COL14A1: variants seen among roughly 807,000 people sequenced by gnomAD.
The protein encoded by COL14A1 is collagen alpha-1(XIV) chain.
COL14A1 carries 136 observed loss-of-function variants against 230.3 expected under a neutral mutation model. The ratio of observed to expected loss-of-function variants is 0.59; its 90% CI spans 0.51 to 0.68. COL14A1 has a LOEUF of 0.68. Ranked by LOEUF, COL14A1 falls within the 30% of genes least tolerant of loss-of-function variation. COL14A1 has a pLI of 0.00. For missense variants in COL14A1, 1,976 were observed against 2,215.8 expected (o/e 0.89, Z 2.17); for synonymous variants, 792 against 784.1 (o/e 1.01, Z -0.17).
rs1819613212 is a variant in COL14A1 at position 120,270,060 on chromosome 8, G to T, written c.3099G>T (p.Leu1033=). The change falls in exon 26 of 48, where the codon CTG becomes CTT. Residue 1033 remains leucine (L), a synonymous_variant. Transcript: ENST00000297848. ...TATGTAAGGCGGCCAAGGCTGACCT[G>T]GTATTTATGGTGGATGGATCCTGGA... ...KEVCKAAKAD[L]VFMVDGSWSI... 6.2e-7 allele frequency: 1 copy of T among 1,611,170 alleles called. No individual in the cohort carries two copies. Among genetic ancestry groups the T allele is most frequent in the Non-Finnish European group, 8.5e-7 (1 of 1,178,226 alleles).
At chr8:120,219,115 A>G (rs1817851726) in intron 14 of COL14A1, among the ~76,000 whole-genome samples, 1 of 151,370 alleles carries the variant, frequency 6.6e-6, no homozygotes, top group Admixed American at 6.6e-5. Flanking sequence ...TTGCCTGGGG[A>G]ACTTTTGTTT....
chr8:120,277,025 C>T (rs1316400709), intron 26 of COL14A1, among the ~76,000 whole-genome samples: 2 of 151,930 alleles, frequency 1.3e-5, no homozygotes, highest in Non-Finnish European at 2.9e-5. Context: ...AAGATGCTAT[C>T]TTTACTTATT....
At position 120,372,620 on chromosome 8, in the gene COL14A1, T is replaced by C. The variant is rs1182826821; in HGVS notation, c.*1389T>C. Among the ~76,000 whole-genome samples the C allele has an allele frequency of 6.6e-6, 1 of 152,194 alleles. No homozygotes were observed. Among genetic ancestry groups the C allele is most frequent in the Non-Finnish European group, 1.5e-5 (1 of 68,026 alleles). ...GATCATTTACAACTAGAAGCTGGAT[T>C]CTTTCTGGATCAGGAAAAGGCTAAC... On this transcript the variant is annotated 3_prime_UTR_variant, in exon 48 of 48. Coordinates refer to ENST00000297848, the MANE Select transcript of COL14A1 (RefSeq NM_021110.4).
In COL14A1 at chr8:120,294,407, A is replaced by G. The variant is rs1820461097; in HGVS notation, c.4237-3104A>G. Among the ~76,000 whole-genome samples, 3 of 148,724 alleles carry G rather than the reference A, an allele frequency of 2.0e-5. 1 individual carries two copies. The South Asian group carries it at 6.4e-4, about 32-fold the overall frequency. On this transcript the variant is annotated intron_variant, in intron 34 of 47. Transcript: ENST00000297848. Reference sequence around the variant, plus strand: ...CCCTTGAAAGAGATTATGAAAAGTGAAAGTGGGAGGTTTTGTGTCTCTTCC... The same window carrying G: ...CCCTTGAAAGAGATTATGAAAAGTGGAAGTGGGAGGTTTTGTGTCTCTTCC...
intron 24 of COL14A1, among the ~76,000 whole-genome samples, chr8:120,266,255 C>A (rs910828046): frequency 2.6e-5 from 4 of 152,014 alleles, no homozygotes; most frequent in African/African-American, 9.7e-5. Context: ...ATGTGGACTT[C>A]TCATCCCACA....
intron 5 of COL14A1, among the ~76,000 whole-genome samples, chr8:120,184,374 C>T (rs1816579621): frequency 6.6e-6 from 1 of 151,890 alleles, no homozygotes; most frequent in African/African-American, 2.4e-5. Context: ...TGTGCCTCAG[C>T]TTCCTGAGTA....
chr8:120,252,411 A>C (rs138351781), intron 22 of COL14A1, among the ~76,000 whole-genome samples: 1 of 152,246 alleles, frequency 6.6e-6, no homozygotes, highest in Non-Finnish European at 1.5e-5. Context: ...ATTTTAAAAT[A>C]CACATTAAAG....
intron 24 of COL14A1, among the ~76,000 whole-genome samples, chr8:120,265,478 A>T (rs1819475448): frequency 1.3e-5 from 2 of 152,174 alleles, no homozygotes; most frequent in South Asian, 4.2e-4. Context: ...AATAACAGTG[A>T]TATATATCCA....
chr8:120,196,261 T>C (rs1296671964), intron 5 of COL14A1, among the ~76,000 whole-genome samples: 2 of 152,256 alleles, frequency 1.3e-5, no homozygotes, highest in Non-Finnish European at 2.9e-5. Flanking sequence ...CAAAAGCCCT[T>C]CCTACTTTAG....
chr8:120,353,475 T>G (rs1421128596), intron 45 of COL14A1, among the ~76,000 whole-genome samples: 7 of 132,674 alleles, frequency 5.3e-5, no homozygotes, highest in Admixed American at 3.8e-4. Flanking sequence ...GGGAGAAAAT[T>G]TTCGCAACCT....
At chr8:120,317,048 G>T (rs953356867) in intron 40 of COL14A1, among the ~76,000 whole-genome samples, 1 of 152,118 alleles carries the variant, frequency 6.6e-6, no homozygotes, top group African/African-American at 2.4e-5. Flanking sequence ...GGGACACAGA[G>T]GCTGGTCTTC....
chr8:120,173,318 G>A (rs1374943238), intron 5 of COL14A1, among the ~76,000 whole-genome samples: 1 of 152,046 alleles, frequency 6.6e-6, no homozygotes, highest in Non-Finnish European at 1.5e-5. Context: ...TTTTAAATAT[G>A]TTCCCATCAT....
chr8:120,179,074 G>A (rs192209971), intron 5 of COL14A1, among the ~76,000 whole-genome samples: 57 of 152,182 alleles, frequency 3.7e-4, no homozygotes, highest in African/African-American at 5.3e-4. Flanking sequence ...AAGCTCTTTA[G>A]TTTAATTAGA....
intron 36 of COL14A1, among the ~76,000 whole-genome samples, chr8:120,306,340 G>T (rs1820858041): frequency 6.6e-6 from 1 of 152,106 alleles, no homozygotes; most frequent in Admixed American, 6.6e-5. Flanking sequence ...TGAAAGGGAA[G>T]GGTTGAGCTT....
chr8:120,369,705 T>C (rs1240673834), intron 47 of COL14A1, among the ~76,000 whole-genome samples: 1 of 152,220 alleles, frequency 6.6e-6, no homozygotes, highest in Non-Finnish European at 1.5e-5. Flanking sequence ...AAATTCAAAA[T>C]AACAGCACAT....
rs192926749 is a variant in COL14A1, at chr8:120,299,227, G to A, written c.4315-1505G>A. ...CCAAACTGTATCAGTAAGACTTACC[G>A]TATCAAAAAGCCAAACCATATAAAT... is the stretch of plus-strand genomic sequence containing the variant. On this transcript the variant is annotated intron_variant, in intron 35 of 47. Transcript: ENST00000297848. Among the ~76,000 whole-genome samples, 90 of 152,082 alleles carry A rather than the reference G, an allele frequency of 5.9e-4. 1 individual carries two copies. The highest frequency in any genetic ancestry group is 2.0e-3 in the African/African-American group (81 of 41,510).
At chr8:120,242,108 T>C (rs1818623621) in intron 19 of COL14A1, among the ~76,000 whole-genome samples, 1 of 152,228 alleles carries the variant, frequency 6.6e-6, no homozygotes, top group Non-Finnish European at 1.5e-5. Context: ...TGTAAATGAA[T>C]ATTGTGTTTA....
At chr8:120,230,507 C>T (rs1395136754) in intron 18 of COL14A1, among the ~76,000 whole-genome samples, 1 of 151,986 alleles carries the variant, frequency 6.6e-6, no homozygotes, top group Non-Finnish European at 1.5e-5. Flanking sequence ...TTGGGTCCTG[C>T]TTCCCTTCCT....
intron 13 of COL14A1, among the ~76,000 whole-genome samples, chr8:120,214,975 T>C (rs1817707749): frequency 6.6e-6 from 1 of 152,206 alleles, no homozygotes; most frequent in African/African-American, 2.4e-5. Flanking sequence ...TGAATGAGCA[T>C]GCGTGGCAGG....
Sources: gnomAD v4.1 joint callset for allele counts (sites outside exome capture counted in the v4.1 genomes callset) on GRCh38, gnomAD v4.1.1 for gene constraint, MANE v1.5 for transcripts, NCBI Gene and HGNC (gene_info 2026-07-23, HGNC 2026-07-21) for gene names.